Variants in PAPOLG observed in about 807,000 individuals in gnomAD.
PAPOLG encodes PAP-gamma.
PAPOLG carries 40 observed loss-of-function variants against 99.0 expected under a neutral mutation model. The ratio of observed to expected loss-of-function variants is 0.40; its 90% CI spans 0.31 to 0.53. The LOEUF is 0.53. Ranked by LOEUF, PAPOLG falls within the 20% of genes least tolerant of loss-of-function variation. The probability of loss-of-function intolerance (pLI) is 0.41; values close to 1 mark genes in which losing one functional copy is unlikely to be tolerated. For synonymous variants in PAPOLG, 310 were observed against 299.3 expected (o/e 1.04, Z -0.37); for missense variants, 675 against 884.1 (o/e 0.76, Z 3.00).
intron 15 of PAPOLG, among the ~76,000 whole-genome samples, chr2:60,789,655 T>C (rs550737266): frequency 6.6e-6 from 1 of 152,344 alleles, no homozygotes; most frequent in Non-Finnish European, 1.5e-5. Context: ...CTCTGGAATA[T>C]CTTAATGTAT....
intron 17 of PAPOLG, 103 bp from the exon 18 acceptor site, chr2:60,793,524 A>G: frequency 7.4e-7 from 1 of 1,354,286 alleles, no homozygotes; most frequent in Admixed American, 2.1e-5. Context: ...TGATTGTGCC[A>G]CTGCACTCCA....
intron 18 of PAPOLG, 82 bp from the exon 19 acceptor site, chr2:60,793,889 T>C: frequency 1.4e-6 from 2 of 1,464,842 alleles, no homozygotes; most frequent in East Asian, 2.4e-5. Context: ...GCAGCCTGGG[T>C]GATGGGAATG....
At chr2:60,788,212 TA>T (rs1383293922) in intron 15 of PAPOLG, among the ~76,000 whole-genome samples, 2 of 151,976 alleles carry the variant, frequency 1.3e-5, no homozygotes, top group African/African-American at 2.4e-5. Context: ...ATACTTAGTT[TA>T]AAAAAAATGG....
rs111507652 is a variant in PAPOLG, at chr2:60,784,613, T to G, written c.1166+1404T>G. ...GTTTAATCCTTATTTCATTGGTAATTAAAGGAACTCTGAAAATAATCCTGT... is the reference window on the plus strand; with the variant it reads ...GTTTAATCCTTATTTCATTGGTAATGAAAGGAACTCTGAAAATAATCCTGT... On this transcript the variant is annotated intron_variant, in intron 13 of 21. Transcript: ENST00000238714. 3.3e-4 allele frequency among the ~76,000 whole-genome samples: 51 copies of G among 152,332 alleles called. 1 individual carries two copies. The highest frequency in any genetic ancestry group is 1.2e-3 in the African/African-American group (50 of 41,580).
intron 21 of PAPOLG, among the ~76,000 whole-genome samples, chr2:60,795,805 C>T (rs1671677567): frequency 6.6e-6 from 1 of 151,954 alleles, no homozygotes; most frequent in South Asian, 2.1e-4. Context: ...TACTCACAGG[C>T]TATTAGTTGT....
chr2:60,782,167 A>C (rs973010005), intron 11 of PAPOLG, among the ~76,000 whole-genome samples, 162 bp downstream of exon 11: 2 of 152,172 alleles, frequency 1.3e-5, no homozygotes, highest in Non-Finnish European at 2.9e-5. Flanking sequence ...AGTTTTCAAA[A>C]GTATATGATA....
chr2:60,774,460 G>T (rs1312142647), intron 7 of PAPOLG, among the ~76,000 whole-genome samples: 1 of 151,854 alleles, frequency 6.6e-6, no homozygotes, highest in Non-Finnish European at 1.5e-5. Flanking sequence ...CCGCCTCCCG[G>T]GTTCAAGCGA....
intron 5 of PAPOLG, 147 bp downstream of exon 5, chr2:60,769,037 A>G: frequency 1.5e-6 from 1 of 659,852 alleles, no homozygotes; most frequent in Non-Finnish European, 2.5e-6. Flanking sequence ...TGATTAAATC[A>G]TGATTAAGAA....
rs1558720922 is a variant in PAPOLG at position 60,793,954 on chromosome 2, C to T, written c.1769-17C>T. 6.3e-7 allele frequency: 1 copy of T among 1,593,026 alleles called. No homozygotes were observed. ...ACATAAATGTTTAATTATTAAAATCCTTTTTTTCCTTTTCAGAAGTTGACT... is the reference window on the plus strand; with the variant it reads ...ACATAAATGTTTAATTATTAAAATCTTTTTTTTCCTTTTCAGAAGTTGACT... On this transcript the variant is annotated splice_polypyrimidine_tract_variant and intron_variant, in intron 18 of 21. Transcript: ENST00000238714.
intron 3 of PAPOLG, among the ~76,000 whole-genome samples, chr2:60,764,480 G>A (rs986350342): frequency 2.4e-4 from 36 of 150,946 alleles, no homozygotes; most frequent in Admixed American, 1.6e-3. Flanking sequence ...GCAGTGGCGC[G>A]ATCTCAGCTC....
chr2:60,757,412 C>CT (rs1670381150), intron 1 of PAPOLG, among the ~76,000 whole-genome samples: 1 of 152,118 alleles, frequency 6.6e-6, no homozygotes, highest in African/African-American at 2.4e-5. Context: ...TTTTATTTTA[C>CT]TTCTTTTTTT....
intron 6 of PAPOLG, 126 bp downstream of exon 6, chr2:60,770,637 A>G (rs1233978916): frequency 1.7e-6 from 1 of 573,104 alleles, no homozygotes; most frequent in Non-Finnish European, 2.9e-6. Flanking sequence ...TTTTTTTTTA[A>G]TGAAGAGATG....
At position 60,774,884 on chromosome 2, in the gene PAPOLG, A is replaced by C. The variant is rs934296456; in HGVS notation, c.605-150A>C. 1.2e-5 allele frequency: 16 copies of C among 1,355,486 alleles called. No homozygotes were observed. The African/African-American group carries it at 1.3e-4, about 11-fold the overall frequency. The allele number at this position is 1,355,486 out of a possible 1,614,324, so 84.0% of individuals were successfully genotyped here. A position where few individuals can be genotyped will look rare whatever the true frequency, so the allele number is the denominator to read the frequency against. ...TTACCCTAAAGCAAACTGATTTCTCATAAGTGGTAAATTTCATACACATAA... is the reference window on the plus strand; with the variant it reads ...TTACCCTAAAGCAAACTGATTTCTCCTAAGTGGTAAATTTCATACACATAA... On this transcript the variant is annotated intron_variant, in intron 7 of 21. Transcript: ENST00000238714.
At chr2:60,792,689 G>A (rs1389233120) in intron 17 of PAPOLG, among the ~76,000 whole-genome samples, 2 of 152,158 alleles carry the variant, frequency 1.3e-5, no homozygotes, top group Non-Finnish European at 2.9e-5. Flanking sequence ...GAGCCCAGGA[G>A]TTCCAAGACC....
intron 12 of PAPOLG, 124 bp downstream of exon 12, chr2:60,782,894 C>T (rs1573243033): frequency 8.2e-7 from 1 of 1,212,654 alleles, no homozygotes; most frequent in Non-Finnish European, 1.1e-6. Context: ...AATAGATTAA[C>T]AAAAATCCTA....
At chr2:60,768,047 G>T (rs1224935555) in intron 3 of PAPOLG, among the ~76,000 whole-genome samples, 1 of 152,090 alleles carries the variant, frequency 6.6e-6, no homozygotes, top group African/African-American at 2.4e-5. Flanking sequence ...TGACAAGGTT[G>T]GCAAATCTAA....
chr2:60,766,539 G>C (rs1401726441), intron 3 of PAPOLG, among the ~76,000 whole-genome samples: 5 of 152,086 alleles, frequency 3.3e-5, no homozygotes, highest in African/African-American at 1.2e-4. Flanking sequence ...AGTGGTACCT[G>C]TCTGTAGTCT....
At chr2:60,771,934 T>C (rs2103780075) in intron 7 of PAPOLG, among the ~76,000 whole-genome samples, 1 of 152,268 alleles carries the variant, frequency 6.6e-6, no homozygotes, top group South Asian at 2.1e-4. Context: ...ATATTTACCA[T>C]GTTAAAAAAT....
intron 6 of PAPOLG, 24 bp downstream of exon 6, chr2:60,770,535 C>T: frequency 6.9e-7 from 1 of 1,452,134 alleles, no homozygotes; most frequent in Non-Finnish European, 9.5e-7. Context: ...ATTTTTCTGA[C>T]TTTACAATTG....
Sources: allele counts gnomAD v4.1 joint callset (sites outside exome capture counted in the v4.1 genomes callset), GRCh38; gene constraint gnomAD v4.1.1; transcripts MANE v1.5; gene names NCBI Gene and HGNC (gene_info 2026-07-23, HGNC 2026-07-21).